The following JAKMIP1 variants were observed in gnomAD, a reference collection of about 807,000 sequenced individuals.
JAKMIP1 encodes the protein janus kinase and microtubule interacting protein 1.
In JAKMIP1, 33 loss-of-function variants were observed where a neutral mutation model predicts 113.0. The ratio of observed to expected loss-of-function variants is 0.29; its 90% CI spans 0.22 to 0.39. The LOEUF is 0.39. JAKMIP1 is among the 10% of genes least tolerant of loss of function. JAKMIP1 has a pLI of 1.00. For missense variants in JAKMIP1, 813 were observed against 1,080.5 expected (o/e 0.75, Z 3.47); for synonymous variants, 480 against 459.9 (o/e 1.04, Z -0.56).
chr4:6,103,087 A>C (rs1338942893), intron 3 of JAKMIP1, among the ~76,000 whole-genome samples: 2 of 152,108 alleles, frequency 1.3e-5, no homozygotes, highest in Non-Finnish European at 2.9e-5. Context: ...TCTTGTTTTG[A>C]CCTTGAACTT....
At position 6,082,453 on chromosome 4, in the gene JAKMIP1, A is replaced by G. The variant is rs548053807; in HGVS notation, c.955-698T>C. Reference sequence around the variant, plus strand: ...CTTTATGTAAAGTCAGTAAAGACCCATATGTATCTTCTTCATGGCATTTTT... The same window carrying G: ...CTTTATGTAAAGTCAGTAAAGACCCGTATGTATCTTCTTCATGGCATTTTT... On this transcript the variant is annotated intron_variant, in intron 5 of 20. Transcript: ENST00000409021. Among the ~76,000 whole-genome samples the G allele has an allele frequency of 1.3e-3, 196 of 151,934 alleles. 1 individual carries two copies. The highest frequency in any genetic ancestry group is 4.4e-3 in the African/African-American group (184 of 41,498).
At position 6,123,357 on chromosome 4, in the gene JAKMIP1, G is replaced by A. The variant is rs576923770; in HGVS notation, c.-147-10360C>T. ...CTGAGCTGTCTGTTCTTCCAGCCCC[G>A]GGGCCTAAGGGACACAGGGAACTGG... On this transcript the variant is annotated intron_variant, in intron 1 of 20. Coordinates refer to ENST00000409021, the MANE Select transcript of JAKMIP1 (RefSeq NM_001099433.2). 2.6e-5 allele frequency among the ~76,000 whole-genome samples: 4 copies of A among 152,282 alleles called. No homozygotes were observed. The East Asian group carries it at 5.8e-4, about 22-fold the overall frequency.
chr4:6,106,561 T>TTC lies in JAKMIP1; in HGVS notation c.130-595_130-594insGA. ...TCTCCTCTCTCTCTCTCTCTCTTCC[T>TTC]CTCTCTCTCCTCTGTTTTATCATGA... is the stretch of plus-strand genomic sequence containing the variant. On this transcript the variant is annotated intron_variant, in intron 2 of 20. Transcript: ENST00000409021. The surrounding 1 kb of genome is among the most constrained non-coding windows in gnomAD (Gnocchi z 5.9). 6.6e-6 allele frequency among the ~76,000 whole-genome samples: 1 copy of TTC among 150,986 alleles called. No homozygotes were observed. Among genetic ancestry groups the TTC allele is most frequent in the Non-Finnish European group, 1.5e-5 (1 of 67,746 alleles).
chr4:6,142,204 G>C lies in JAKMIP1; in HGVS notation c.-147-29207C>G, dbSNP rs1376899059. Among the ~76,000 whole-genome samples, 1 of 152,140 alleles carries C rather than the reference G, an allele frequency of 6.6e-6. No homozygotes were observed. Among genetic ancestry groups the C allele is most frequent in the African/African-American group, 2.4e-5 (1 of 41,436 alleles). ...TCCATCCTGGATTTAGGGACACTTT[G>C]GTTATTTCTGAGGATTTTGTACAGA... On this transcript the variant is annotated intron_variant, in intron 1 of 20. Coordinates refer to ENST00000409021, the MANE Select transcript of JAKMIP1 (RefSeq NM_001099433.2). This position sits in a 1 kb window ranked among gnomAD's most constrained non-coding sequence, Gnocchi z 5.5.
At chr4:6,077,546 G>A in intron 8 of JAKMIP1, among the ~76,000 whole-genome samples, 1 of 138,758 alleles carries the variant, frequency 7.2e-6, no homozygotes, top group African/African-American at 2.7e-5. Context: ...GAGCTCAGTG[G>A]CAAAATCATG....
intron 19 of JAKMIP1, among the ~76,000 whole-genome samples, chr4:6,030,145 C>T (rs1489847807): frequency 6.6e-6 from 1 of 152,062 alleles, no homozygotes; most frequent in Non-Finnish European, 1.5e-5. Flanking sequence ...TGGACCAAAA[C>T]ATGTAGGCAC....
At chr4:6,110,187 G>C (rs35205417) in intron 2 of JAKMIP1, among the ~76,000 whole-genome samples, 26,409 of 152,136 alleles carry the variant, frequency 0.17, 2,412 homozygotes, top group East Asian at 0.24. Flanking sequence ...TTTGGAGATA[G>C]ATCCTAATGA....
At chr4:6,032,015 G>A (rs1227700703) in intron 19 of JAKMIP1, among the ~76,000 whole-genome samples, 1 of 152,160 alleles carries the variant, frequency 6.6e-6, no homozygotes, top group African/African-American at 2.4e-5. Flanking sequence ...CCCCTCACAT[G>A]CAGGGCGGCC....
rs559546531 is a variant in JAKMIP1 at position 6,162,537 on chromosome 4, T to G, written c.-148+37716A>C. Among the ~76,000 whole-genome samples, 3 of 152,204 alleles carry G rather than the reference T, an allele frequency of 2.0e-5. No homozygotes were observed. The East Asian group carries it at 5.8e-4, about 29-fold the overall frequency. ...GTTTCATTCCAAAAAGAGAATGCAG[T>G]ATTAGTGTTCTGATTAGCAGGTTAA... On this transcript the variant is annotated intron_variant, in intron 1 of 20. Transcript: ENST00000409021. This position sits in a 1 kb window ranked among gnomAD's most constrained non-coding sequence, Gnocchi z 5.6.
At chr4:6,126,367 A>ACATACACAAACACACAC (rs1717611860) in intron 1 of JAKMIP1, among the ~76,000 whole-genome samples, 2 of 24,012 alleles carry the variant, frequency 8.3e-5, no homozygotes, top group African/African-American at 3.8e-4. Context: ...AGAAACACAC[A>ACATACACAAACACACAC]CATGCACAAA....
In JAKMIP1 at chr4:6,065,054, C is replaced by A; in HGVS notation, c.1303-46G>T. 2 of 1,611,460 alleles carry A rather than the reference C, an allele frequency of 1.2e-6. No homozygotes were observed. The highest frequency in any genetic ancestry group is 1.7e-6 in the Non-Finnish European group (2 of 1,178,832). On this transcript the variant is annotated intron_variant, in intron 8 of 20. Transcript: ENST00000409021. This position sits in a 1 kb window ranked among gnomAD's most constrained non-coding sequence, Gnocchi z 5.1. Reference sequence around the variant, plus strand: ...GATGTTAGCAACGACTGAGGATTGCCAGAGTCTACCAGTCCCTGGTCGTGG... The same window carrying A: ...GATGTTAGCAACGACTGAGGATTGCAAGAGTCTACCAGTCCCTGGTCGTGG...
chr4:6,170,470 TACC>T lies in JAKMIP1; in HGVS notation c.-148+29780_-148+29782del, dbSNP rs1450875589. The stretch of plus-strand genomic sequence containing the variant: ...CCATCACCATCACCACCACCACCAT[TACC>T]ACCCTCACAACCACCCCCAGCACCC... On this transcript the variant is annotated intron_variant, in intron 1 of 20. Transcript: ENST00000409021. Among the ~76,000 whole-genome samples, 41 of 6,374 alleles carry T rather than the reference TACC, an allele frequency of 6.4e-3. 1 individual carries two copies. The highest frequency in any genetic ancestry group is 8.8e-4 in the Non-Finnish European group (3 of 3,394). 4.2% of individuals were successfully genotyped at this position (6,374 alleles called of 152,430 possible). A position where few individuals can be genotyped will look rare whatever the true frequency, so the allele number is the denominator to read the frequency against.
rs187125407 is a variant in JAKMIP1 at position 6,044,343 on chromosome 4, G to A, written c.2029-2116C>T. 1.7e-3 allele frequency among the ~76,000 whole-genome samples: 256 copies of A among 152,276 alleles called. 1 individual carries two copies. Among genetic ancestry groups the A allele is most frequent in the East Asian group, 5.2e-3 (27 of 5,150 alleles). ...ATGAAGGAGAATCAAGGCTGTGCAG[G>A]TTGGTGGGGTGTGTGCTGCCTGAAC... On this transcript the variant is annotated intron_variant, in intron 16 of 20. Transcript: ENST00000409021. The surrounding 1 kb of genome is among the most constrained non-coding windows in gnomAD (Gnocchi z 4.4).
At position 6,156,279 on chromosome 4, in the gene JAKMIP1, A is replaced by G. The variant is rs1217727556; in HGVS notation, c.-147-43282T>C. Among the ~76,000 whole-genome samples, 1 of 152,232 alleles carries G rather than the reference A, an allele frequency of 6.6e-6. No individual in the cohort carries two copies. The highest frequency in any genetic ancestry group is 1.5e-5 in the Non-Finnish European group (1 of 68,048). ...ATGCCACTGTATCACACTGATCCTA[A>G]GTTAACGTTTCTGAAATCAAGATTC... On this transcript the variant is annotated intron_variant, in intron 1 of 20. Transcript: ENST00000409021. This position sits in a 1 kb window ranked among gnomAD's most constrained non-coding sequence, Gnocchi z 5.0.
chr4:6,176,665 T>C lies in JAKMIP1; in HGVS notation c.-148+23588A>G, dbSNP rs1018778084. Among the ~76,000 whole-genome samples the C allele has an allele frequency of 6.6e-6, 1 of 152,138 alleles. No individual in the cohort carries two copies. The highest frequency in any genetic ancestry group is 6.5e-5 in the Admixed American group (1 of 15,280). On this transcript the variant is annotated intron_variant, in intron 1 of 20. Transcript: ENST00000409021. The surrounding 1 kb of genome is among the most constrained non-coding windows in gnomAD (Gnocchi z 5.5). ...CAGTGGTAGAATGACTCACCCAAGG[T>C]TCCACTGAACATGCAAAAGGACCCA...
At position 6,139,498 on chromosome 4, in the gene JAKMIP1, T is replaced by C. The variant is rs1179394975; in HGVS notation, c.-147-26501A>G. Among the ~76,000 whole-genome samples, 1 of 152,114 alleles carries C rather than the reference T, an allele frequency of 6.6e-6. No homozygotes were observed. Among genetic ancestry groups the C allele is most frequent in the East Asian group, 1.9e-4 (1 of 5,190 alleles). ...AAAGAAGAAATGGGGCTGGTCGTGG[T>C]GGCTCACGCCTGTAACCCCAGCACT... On this transcript the variant is annotated intron_variant, in intron 1 of 20. Transcript: ENST00000409021. This position sits in a 1 kb window ranked among gnomAD's most constrained non-coding sequence, Gnocchi z 5.2.
chr4:6,115,668 T>C (rs900937309), intron 1 of JAKMIP1, among the ~76,000 whole-genome samples: 1 of 152,220 alleles, frequency 6.6e-6, no homozygotes, highest in African/African-American at 2.4e-5. Context: ...AATGTTCTAC[T>C]TCAATGACTG....
rs947507330 is a variant in JAKMIP1 at position 6,042,260 on chromosome 4, A to C, written c.2029-33T>G. On this transcript the variant is annotated intron_variant, in intron 16 of 20. Coordinates refer to ENST00000409021, the MANE Select transcript of JAKMIP1 (RefSeq NM_001099433.2). The surrounding 1 kb of genome is among the most constrained non-coding windows in gnomAD (Gnocchi z 5.2). The stretch of plus-strand genomic sequence containing the variant: ...ACAGCAGGGACAGGACGGGTGCAGC[A>C]AAGTGAGAGTCAGAACCCAAGGGGC... 4 of 1,573,154 alleles carry C rather than the reference A, an allele frequency of 2.5e-6. No homozygotes were observed. The African/African-American group carries it at 4.1e-5, about 16-fold the overall frequency.
chr4:6,099,728 C>A (rs1053650173), intron 3 of JAKMIP1, among the ~76,000 whole-genome samples: 18 of 152,170 alleles, frequency 1.2e-4, no homozygotes, highest in African/African-American at 3.1e-4. Context: ...ACCTGCAGAA[C>A]CTCCTTTAGC....
Sources: gnomAD v4.1 joint callset for allele counts (sites outside exome capture counted in the v4.1 genomes callset) on GRCh38, gnomAD v4.1.1 for gene constraint, Gnocchi (gnomAD v3.1) non-coding constraint, MANE v1.5 for transcripts, NCBI Gene and HGNC (gene_info 2026-07-23, HGNC 2026-07-21) for gene names.